The following BDKRB2 variants were observed in gnomAD, a reference collection of about 807,000 sequenced individuals.
BDKRB2 encodes the protein bradykinin receptor B2, also known as B2 bradykinin receptor.
Under a neutral mutation model 4.0 loss-of-function variants are expected in BDKRB2, and 6 were observed. The ratio of observed to expected loss-of-function variants is 1.49; its 90% confidence interval spans 0.81 to 2.93. BDKRB2 has a LOEUF of 2.93. BDKRB2 is among the 30% of genes most tolerant of loss of function. BDKRB2 has a pLI of 0.00. For missense variants in BDKRB2, 478 were observed against 520.1 expected (o/e 0.92, Z 0.79); for synonymous variants, 225 against 215.3 (o/e 1.05, Z -0.40).
At chr14:96,237,212 T>C (rs1222190498) in intron 2 of BDKRB2, 31 bp downstream of exon 2, 3 of 1,585,942 alleles carry the variant, frequency 1.9e-6, no homozygotes, top group Non-Finnish European at 2.6e-6. Flanking sequence ...AGTTCACTAG[T>C]TAGGGGAGGT....
chr14:96,237,823 G>C (rs555754699), intron 2 of BDKRB2: 57 of 1,289,590 alleles, frequency 4.4e-5, no homozygotes, highest in African/African-American at 6.1e-5. Context: ...CTGATGATCC[G>C]ATGGCTTCTC....
At chr14:96,240,248 GCA>G (rs1739561761) in intron 2 of BDKRB2, 153 bp from the exon 3 acceptor site, 7 of 1,327,504 alleles carry the variant, frequency 5.3e-6, no homozygotes, top group Admixed American at 5.6e-5. Context: ...GGAGTCAGGT[GCA>G]CTGGAGCGCG....
chr14:96,213,782 T>TC (rs569684700), intron 1 of BDKRB2, among the ~76,000 whole-genome samples: 33 of 150,764 alleles, frequency 2.2e-4, no homozygotes, highest in South Asian at 4.2e-4. Context: ...ATCACAAGTA[T>TC]CCCCCCCGAC....
intron 1 of BDKRB2, 145 bp downstream of exon 1, chr14:96,205,104 C>G (rs1456221362): frequency 6.1e-6 from 1 of 164,598 alleles, no homozygotes; most frequent in Non-Finnish European, 1.3e-5. Context: ...CCCTTCCTTC[C>G]GGAGGGGAGG....
rs200243984 is a variant in BDKRB2, at chr14:96,243,988, C to T, written c.*2484C>T. On this transcript the variant is annotated 3_prime_UTR_variant, in exon 3 of 3. Coordinates refer to ENST00000554311, the MANE Select transcript of BDKRB2 (RefSeq NM_001379692.1). ...CACCTGGTCTGAGGGGCAACTGAGT[C>T]TGCGGGAGAAGAGCGGCCCTATGCA... The T allele has an allele frequency of 2.6e-6, 1 of 389,880 alleles. No individual in the cohort carries two copies. Among genetic ancestry groups the T allele is most frequent in the Middle Eastern group, 6.4e-4 (1 of 1,552 alleles). The allele number at this position is 389,880 out of a possible 1,614,324, so 24.2% of individuals were successfully genotyped here. A position where few individuals can be genotyped will look rare whatever the true frequency, so the allele number is the denominator to read the frequency against.
chr14:96,220,946 T>G (rs1374249730), intron 1 of BDKRB2, among the ~76,000 whole-genome samples: 1 of 152,016 alleles, frequency 6.6e-6, no homozygotes. Context: ...TCCCACCACC[T>G]GGGAGACCCC....
chr14:96,237,947 C>T (rs885818), intron 2 of BDKRB2: 41,850 of 1,212,144 alleles, frequency 0.035, 984 homozygotes, highest in East Asian at 0.13. Flanking sequence ...TGAAAGATGA[C>T]AGACTCTCCA....
rs527849528 is a variant in BDKRB2, at chr14:96,226,190, A to G, written c.-39-10879A>G. 8.5e-5 allele frequency among the ~76,000 whole-genome samples: 13 copies of G among 152,236 alleles called. No homozygotes were observed. In the South Asian group the frequency reaches 2.7e-3, roughly 32 times the overall value. On this transcript the variant is annotated intron_variant, in intron 1 of 2. Coordinates refer to ENST00000554311, the MANE Select transcript of BDKRB2 (RefSeq NM_001379692.1). ...AAAGTGGAATGAGGACATCATGACC[A>G]CCATGCAAAGGCCATTGCTCTTAAG... is the stretch of plus-strand genomic sequence containing the variant.
intron 1 of BDKRB2, among the ~76,000 whole-genome samples, chr14:96,216,715 A>AGGAGGAGGAG (rs1566688857): frequency 5.5e-5 from 4 of 72,394 alleles, no homozygotes; most frequent in African/African-American, 1.8e-4. Flanking sequence ...AGGAGGAGGA[A>AGGAGGAGGAG]GAGGAAGGAG....
At chr14:96,209,020 C>T (rs1394368511) in intron 1 of BDKRB2, among the ~76,000 whole-genome samples, 2 of 152,210 alleles carry the variant, frequency 1.3e-5, no homozygotes, top group African/African-American at 2.4e-5. Context: ...GTCATGAGGT[C>T]GCTTCTCCTC....
intron 1 of BDKRB2, among the ~76,000 whole-genome samples, chr14:96,226,717 C>T (rs1001137783): frequency 3.3e-5 from 5 of 152,094 alleles, no homozygotes; most frequent in Non-Finnish European, 2.9e-5. Context: ...TTCAGCCAAA[C>T]TGGCTGTGTG....
intron 1 of BDKRB2, among the ~76,000 whole-genome samples, chr14:96,206,638 G>A (rs1043305236): frequency 3.3e-5 from 5 of 151,750 alleles, no homozygotes; most frequent in African/African-American, 4.8e-5. Context: ...GCTGTGCCAC[G>A]TGGTTTTTGC....
At position 96,239,890 on chromosome 14, in the gene BDKRB2, C is replaced by G. The variant is rs2242966; in HGVS notation, c.75-513C>G. 4.6e-3 allele frequency: 4,579 copies of G among 985,616 alleles called. 145 individuals are homozygous for G. In the African/African-American group the frequency reaches 0.071, roughly 15 times the overall value. 61.1% of individuals were successfully genotyped at this position (985,616 alleles called of 1,614,324 possible). A position where few individuals can be genotyped will look rare whatever the true frequency, so the allele number is the denominator to read the frequency against. ...CGGAAATACGATGCCACAGACTGTC[C>G]AGGAAGACAGAAACTAGGCAGATGG... On this transcript the variant is annotated intron_variant, in intron 2 of 2. Transcript: ENST00000554311.
chr14:96,211,883 T>C (rs1890312034), intron 1 of BDKRB2, among the ~76,000 whole-genome samples: 1 of 152,192 alleles, frequency 6.6e-6, no homozygotes, highest in African/African-American at 2.4e-5. Context: ...TCTGAAATAC[T>C]GTGAGGCTAT....
intron 2 of BDKRB2, chr14:96,237,784 T>C: frequency 7.8e-7 from 1 of 1,289,750 alleles, no homozygotes. Context: ...GACCTATAGT[T>C]TCCAATTCCG....
chr14:96,205,839 A>T (rs1890167815), intron 1 of BDKRB2, among the ~76,000 whole-genome samples: 1 of 152,112 alleles, frequency 6.6e-6, no homozygotes, highest in Admixed American at 6.5e-5. Context: ...CGAGTTGCTG[A>T]GAGTAGGTCG....
intron 2 of BDKRB2, chr14:96,239,263 C>G: frequency 2.0e-6 from 2 of 975,686 alleles, no homozygotes; most frequent in Non-Finnish European, 2.4e-6. Context: ...TTGAATGTTG[C>G]AACAGCCATG....
intron 2 of BDKRB2, 106 bp downstream of exon 2, chr14:96,237,287 A>G (rs1241241501): frequency 5.6e-6 from 6 of 1,078,690 alleles, no homozygotes; most frequent in Non-Finnish European, 8.3e-6. Flanking sequence ...CAGTTGAAGG[A>G]ACCAGTGATG....
intron 1 of BDKRB2, among the ~76,000 whole-genome samples, chr14:96,224,937 T>G (rs1265602352): frequency 6.6e-6 from 1 of 152,200 alleles, no homozygotes; most frequent in Non-Finnish European, 1.5e-5. Context: ...TGAGCAGGAC[T>G]GACAGGTCAG....
Sources: allele counts gnomAD v4.1 joint callset (sites outside exome capture counted in the v4.1 genomes callset), GRCh38; gene constraint gnomAD v4.1.1; transcripts MANE v1.5; gene names NCBI Gene and HGNC (gene_info 2026-07-23, HGNC 2026-07-21).